Variants in SFTPD observed in about 807,000 individuals in gnomAD.
SFTPD encodes pulmonary surfactant-associated protein D.
A neutral mutation model predicts 34.6 loss-of-function variants in SFTPD; 18 were observed. The ratio of observed to expected loss-of-function variants is 0.52; its 90% CI spans 0.36 to 0.77. The LOEUF (loss-of-function observed/expected upper bound fraction) is 0.77. Among genes scored for constraint, SFTPD ranks in the 30% least tolerant of loss-of-function variants. SFTPD has a pLI of 0.00. For synonymous variants in SFTPD, 155 were observed against 180.9 expected (o/e 0.86, Z 1.15); for missense variants, 433 against 468.9 (o/e 0.92, Z 0.71).
chr10:79,964,399 C>A (rs1216405593), intron 1 of SFTPD, among the ~76,000 whole-genome samples: 1 of 152,184 alleles, frequency 6.6e-6, no homozygotes, highest in Non-Finnish European at 1.5e-5. Flanking sequence ...GATAAGGTAG[C>A]TAAAAAAGCA....
chr10:79,951,908 G>A (rs1842712352), upstream of SFTPD, among the ~76,000 whole-genome samples: 1 of 152,234 alleles, frequency 6.6e-6, no homozygotes. Flanking sequence ...GGAAATGGGA[G>A]CTCATGGTGA....
intron 1 of SFTPD, among the ~76,000 whole-genome samples, chr10:79,966,659 A>C (rs1455538090): frequency 6.8e-6 from 1 of 146,776 alleles, no homozygotes; most frequent in Non-Finnish European, 1.5e-5. Context: ...GTCCTTGCCC[A>C]TGCCTATGTC....
At chr10:79,969,622 T>G (rs914989216) in intron 1 of SFTPD, 2 of 152,230 alleles carry the variant, frequency 1.3e-5, no homozygotes, top group Non-Finnish European at 2.9e-5. Flanking sequence ...TATCTGATAG[T>G]AGTTTTAATT....
intron 2 of SFTPD, among the ~76,000 whole-genome samples, chr10:79,946,245 A>G (rs899375834): frequency 3.3e-5 from 5 of 152,176 alleles, no homozygotes; most frequent in African/African-American, 4.8e-5. Flanking sequence ...CGGGGATCCT[A>G]GAGGAGGAGC....
intron 2 of SFTPD, among the ~76,000 whole-genome samples, chr10:79,943,566 A>C (rs1227631941): frequency 6.6e-6 from 1 of 152,156 alleles, no homozygotes; most frequent in Non-Finnish European, 1.5e-5. Flanking sequence ...AGGAGGTGAC[A>C]TTTCAGGCTT....
chr10:79,947,567 G>A (rs1842677889), intron 1 of SFTPD, among the ~76,000 whole-genome samples: 2 of 152,168 alleles, frequency 1.3e-5, no homozygotes, highest in South Asian at 4.1e-4. Flanking sequence ...GGTGCGTGCT[G>A]TAATCCCAGC....
At chr10:79,981,736 A>C (rs1842891490) in intron 1 of SFTPD, 1 of 155,780 alleles carries the variant, frequency 6.4e-6, no homozygotes, top group Admixed American at 6.5e-5. Flanking sequence ...AGCCGCCAGC[A>C]GCCCTGGGAG....
upstream of SFTPD, among the ~76,000 whole-genome samples, chr10:79,951,846 C>G (rs531105579): frequency 6.6e-6 from 1 of 152,286 alleles, no homozygotes; most frequent in Admixed American, 6.5e-5. Flanking sequence ...AACGACCAAG[C>G]TCACCCTGGG....
chr10:79,941,892 A>G, intron 5 of SFTPD, 62 bp downstream of exon 5: 3 of 1,077,734 alleles, frequency 2.8e-6, no homozygotes, highest in South Asian at 2.6e-5. Context: ...GTAGGCATTG[A>G]CAGCTCCAAG....
intron 1 of SFTPD, chr10:79,970,613 T>G (rs549041837): frequency 6.6e-6 from 1 of 152,254 alleles, no homozygotes; most frequent in Admixed American, 6.5e-5. Context: ...ACTATGTATT[T>G]TATTTATTTT....
rs1376767053 is a variant in SFTPD, at chr10:79,942,860, C to A, written c.219G>T (p.Gly73=). ...CAGCTTGTCCAGGCATCCCTGCTTG[C>A]CCTGCAGCTCCTGGCAAACCTGTAG... ...KGDPGLPGAA[G]QAGMPGQAGP... Residue 73 remains glycine, a synonymous_variant, in exon 3 of 8, where the codon GGG becomes GGT. Transcript: ENST00000372292. 1.2e-6 allele frequency: 2 copies of A among 1,613,318 alleles called. No individual in the cohort carries two copies. Among genetic ancestry groups the A allele is most frequent in the South Asian group, 2.2e-5 (2 of 91,068 alleles).
intron 1 of SFTPD, among the ~76,000 whole-genome samples, chr10:79,959,299 C>A (rs1233303990): frequency 2.6e-5 from 4 of 151,594 alleles, no homozygotes; most frequent in Non-Finnish European, 4.4e-5. Flanking sequence ...AAAATCAGAG[C>A]AGAACTGAAG....
chr10:79,942,031 G>T lies in SFTPD; in HGVS notation c.473C>A (p.Ala158Glu). 1.1e-5 allele frequency: 18 copies of T among 1,613,940 alleles called. No individual in the cohort carries two copies. The highest frequency in any genetic ancestry group is 1.5e-5 in the Non-Finnish European group (18 of 1,179,914). ...TCCCTTAGGGCCTGCGAGGCCTCTT[G>T]CCCCTGCCGAGCCCTGCATGCCTGG... ...GAPGMQGSAG[A>E]RGLAGPKGER... Residue 158 changes from alanine (A) to glutamate (E), a missense_variant, in exon 5 of 8, where the codon GCA becomes GAA. By Grantham distance (107) the Ala-to-Glu change is moderately radical. Transcript: ENST00000372292.
chr10:79,956,640 CAA>C (rs780639868), intron 1 of SFTPD, among the ~76,000 whole-genome samples: 1 of 152,246 alleles, frequency 6.6e-6, no homozygotes, highest in Non-Finnish European at 1.5e-5. Flanking sequence ...ATTAGGTAAA[CAA>C]AGCAGCCGGG....
chr10:79,978,881 C>A (rs899723232), intron 1 of SFTPD, among the ~76,000 whole-genome samples: 7 of 150,508 alleles, frequency 4.7e-5, no homozygotes, highest in African/African-American at 1.7e-4. Flanking sequence ...GAAAAGGCAC[C>A]CAAATGAAAG....
rs1842627182 is a variant in SFTPD at position 79,942,776 on chromosome 10, G to A, written c.303C>T (p.Asp101=). Reference sequence around the variant, plus strand: ...CCAGTTGCTCACCACTTGGCCCAGTGTCTCCCTTTGGTCCAGGTTCTCCAA... The same window carrying A: ...CCAGTTGCTCACCACTTGGCCCAGTATCTCCCTTTGGTCCAGGTTCTCCAA... ...GSVGEPGPKG[D]TGPSGPPGPP... The change falls in exon 3 of 8, where the codon GAC becomes GAT. Residue 101 remains aspartate (D), a synonymous_variant. Transcript: ENST00000372292. The A allele has an allele frequency of 6.2e-7, 1 of 1,609,276 alleles. No individual in the cohort carries two copies. The highest frequency in any genetic ancestry group is 8.5e-7 in the Non-Finnish European group (1 of 1,175,752).
chr10:79,942,661 G>C, intron 3 of SFTPD, 102 bp downstream of exon 3: 1 of 985,932 alleles, frequency 1.0e-6, no homozygotes, highest in Admixed American at 1.8e-5. Context: ...GCCACCTTCA[G>C]ACAACCTTCT....
intron 1 of SFTPD, among the ~76,000 whole-genome samples, chr10:79,977,824 CCTCT>C (rs1414295319): frequency 1.5e-5 from 2 of 135,814 alleles, no homozygotes; most frequent in Non-Finnish European, 3.3e-5. Flanking sequence ...TTTCTTTCTT[CCTCT>C]CTTTCTTTCA....
At chr10:79,953,721 A>G (rs1012547212), upstream of SFTPD, among the ~76,000 whole-genome samples, 1 of 152,082 alleles carries the variant, frequency 6.6e-6, no homozygotes, top group Non-Finnish European at 1.5e-5. Context: ...ATTTCTTTAA[A>G]TTTTTTAAAT....
Sources: allele counts gnomAD v4.1 joint callset (sites outside exome capture counted in the v4.1 genomes callset), GRCh38; gene constraint gnomAD v4.1.1; transcripts MANE v1.5; gene names NCBI Gene and HGNC (gene_info 2026-07-23, HGNC 2026-07-21).